Variants in CTTNBP2NL observed in about 807,000 individuals in gnomAD.
CTTNBP2NL encodes CTTNBP2 N-terminal like.
A neutral mutation model predicts 32.5 loss-of-function variants in CTTNBP2NL; 16 were observed. The ratio of observed to expected loss-of-function variants is 0.49; its 90% CI spans 0.33 to 0.75. The LOEUF (loss-of-function observed/expected upper bound fraction) is 0.75, where lower values mean the gene tolerates loss of function less well. Ranked by LOEUF, CTTNBP2NL falls within the 30% of genes least tolerant of loss-of-function variation. CTTNBP2NL has a pLI of 0.02. For synonymous variants in CTTNBP2NL, 298 were observed against 289.4 expected (o/e 1.03, Z -0.30); for missense variants, 645 against 756.0 (o/e 0.85, Z 1.72).
In CTTNBP2NL at chr1:112,457,539, T is replaced by C; in HGVS notation, c.*127T>C. On this transcript the variant is annotated 3_prime_UTR_variant, in exon 6 of 6. Coordinates refer to ENST00000271277, the MANE Select transcript of CTTNBP2NL (RefSeq NM_018704.3). ...GAAACCATCTGTATAATACATTTAG[T>C]ATATTTCACCATTTTGTATTTTTTT... is the stretch of plus-strand genomic sequence containing the variant. 1.2e-6 allele frequency: 1 copy of C among 813,996 alleles called. No individual in the cohort carries two copies. The highest frequency in any genetic ancestry group is 1.9e-6 in the Non-Finnish European group (1 of 531,700). 50.4% of individuals were successfully genotyped at this position (813,996 alleles called of 1,614,324 possible).
chr1:112,404,164 A>G (rs1448939846), intron 1 of CTTNBP2NL, among the ~76,000 whole-genome samples: 12 of 152,340 alleles, frequency 7.9e-5, no homozygotes, highest in East Asian at 5.8e-4. Flanking sequence ...TCCAAAATCC[A>G]TGTGCTTTCC....
intron 5 of CTTNBP2NL, among the ~76,000 whole-genome samples, chr1:112,455,082 G>C (rs1458860781): frequency 6.6e-6 from 1 of 152,122 alleles, no homozygotes; most frequent in African/African-American, 2.4e-5. Context: ...GGCTCAGTTA[G>C]TTTCCCCATC....
intron 2 of CTTNBP2NL, among the ~76,000 whole-genome samples, chr1:112,413,973 G>A (rs573322681): frequency 9.9e-5 from 15 of 152,196 alleles, no homozygotes; most frequent in East Asian, 7.7e-4. Context: ...GCTGGAACCC[G>A]GGAGGCGGAG....
At chr1:112,433,255 G>GGT (rs373355239) in intron 3 of CTTNBP2NL, among the ~76,000 whole-genome samples, 12 of 151,420 alleles carry the variant, frequency 7.9e-5, no homozygotes, top group East Asian at 3.9e-4. Flanking sequence ...TTTGTGTGGG[G>GGT]GTGTGTGTGT....
At chr1:112,405,784 C>T (rs1648644416) in intron 1 of CTTNBP2NL, among the ~76,000 whole-genome samples, 1 of 152,202 alleles carries the variant, frequency 6.6e-6, no homozygotes, top group Non-Finnish European at 1.5e-5. Flanking sequence ...CACACATTCA[C>T]ACTCACAGAG....
At chr1:112,448,612 T>G (rs1650122742) in intron 3 of CTTNBP2NL, among the ~76,000 whole-genome samples, 1 of 152,256 alleles carries the variant, frequency 6.6e-6, no homozygotes, top group East Asian at 1.9e-4. Context: ...TTCAGACAGC[T>G]TGCTAGATGA....
intron 3 of CTTNBP2NL, among the ~76,000 whole-genome samples, chr1:112,445,387 G>GT (rs1331410167): frequency 1.3e-3 from 190 of 151,412 alleles, no homozygotes; most frequent in Middle Eastern, 6.8e-3. Context: ...TCTGTTTTGG[G>GT]GTTTTTTTAT....
chr1:112,459,068 C>G lies in CTTNBP2NL; in HGVS notation c.*1656C>G, dbSNP rs1355916360. 1 of 152,200 alleles carries G rather than the reference C, an allele frequency of 6.6e-6. No homozygotes were observed. The allele number at this position is 152,200 out of a possible 1,614,324, so 9.4% of individuals were successfully genotyped here. A position where few individuals can be genotyped will look rare whatever the true frequency, so the allele number is the denominator to read the frequency against. ...AATCCAAATTTTCATGAGAAACATT[C>G]TCATTTTTAAATATCAAGAAGTGAT... On this transcript the variant is annotated 3_prime_UTR_variant, in exon 6 of 6. Coordinates refer to ENST00000271277, the MANE Select transcript of CTTNBP2NL (RefSeq NM_018704.3).
At chr1:112,452,335 C>CTTTTTTTTTTTTTTTT (rs1157736195) in intron 4 of CTTNBP2NL, among the ~76,000 whole-genome samples, 5 of 65,688 alleles carry the variant, frequency 7.6e-5, no homozygotes, top group African/African-American at 3.1e-4. Context: ...CCAGTCTCTT[C>CTTTTTTTTTTTTTTTT]TTTTTTTTTT....
rs1178545976 is a variant in CTTNBP2NL, at chr1:112,457,488, TTA to T, written c.*78_*79del. ...AGCTCAGTCAGACTTCTGAGTCAGA[TTA>T]TGTTATTTATTTTGATAGTAGCTGA... On this transcript the variant is annotated 3_prime_UTR_variant, in exon 6 of 6. Coordinates refer to ENST00000271277, the MANE Select transcript of CTTNBP2NL (RefSeq NM_018704.3). 2.4e-6 allele frequency: 3 copies of T among 1,242,930 alleles called. No homozygotes were observed. The highest frequency in any genetic ancestry group is 2.2e-5 in the Admixed American group (1 of 44,810). 77.0% of individuals were successfully genotyped at this position (1,242,930 alleles called of 1,614,324 possible).
chr1:112,455,780 A>AT (rs1419416376), intron 5 of CTTNBP2NL, 151 bp from the exon 6 acceptor site: 7 of 607,242 alleles, frequency 1.2e-5, no homozygotes, highest in African/African-American at 7.4e-5. Context: ...TAGTGTGTGC[A>AT]TTTTTTGTGT....
chr1:112,410,744 T>C (rs1316738001), intron 1 of CTTNBP2NL, among the ~76,000 whole-genome samples: 2 of 152,166 alleles, frequency 1.3e-5, no homozygotes, highest in African/African-American at 4.8e-5. Context: ...ATGATGAAAA[T>C]GACAAGTGAC....
chr1:112,432,066 A>ATTTTTTTTTTTTTT (rs11440212), intron 3 of CTTNBP2NL, among the ~76,000 whole-genome samples: 1 of 91,052 alleles, frequency 1.1e-5, no homozygotes, highest in Non-Finnish European at 2.0e-5. Context: ...ATATATTTTG[A>ATTTTTTTTTTTTTT]TTTTTTTTTT....
At chr1:112,436,335 G>A (rs1649729834) in intron 3 of CTTNBP2NL, among the ~76,000 whole-genome samples, 1 of 152,180 alleles carries the variant, frequency 6.6e-6, no homozygotes, top group Non-Finnish European at 1.5e-5. Flanking sequence ...GCCTAGAATA[G>A]AGCCAGTTTT....
At chr1:112,393,405 G>T (rs950916990), upstream of CTTNBP2NL, among the ~76,000 whole-genome samples, 11 of 152,100 alleles carry the variant, frequency 7.2e-5, no homozygotes, top group South Asian at 2.1e-4. Context: ...ACTTTAAGTT[G>T]TTGCCTGACA....
At chr1:112,439,208 G>A (rs1000117710) in intron 3 of CTTNBP2NL, among the ~76,000 whole-genome samples, 1 of 106,326 alleles carries the variant, frequency 9.4e-6, no homozygotes, top group Non-Finnish European at 2.5e-5. Context: ...CACCATGGTA[G>A]GGGTCTTAAA....
At chr1:112,413,383 A>C (rs1648944642) in intron 2 of CTTNBP2NL, among the ~76,000 whole-genome samples, 1 of 152,214 alleles carries the variant, frequency 6.6e-6, no homozygotes, top group Non-Finnish European at 1.5e-5. Context: ...CTTTTGAAAA[A>C]TGAGACAGGA....
At chr1:112,400,311 C>T (rs1648459969) in intron 1 of CTTNBP2NL, among the ~76,000 whole-genome samples, 1 of 152,188 alleles carries the variant, frequency 6.6e-6, no homozygotes, top group Admixed American at 6.5e-5. Flanking sequence ...TTCACCGTAG[C>T]TCAGTCTGTT....
intron 3 of CTTNBP2NL, among the ~76,000 whole-genome samples, chr1:112,441,054 G>A (rs1273211695): frequency 6.6e-6 from 1 of 151,998 alleles, no homozygotes; most frequent in Non-Finnish European, 1.5e-5. Flanking sequence ...TTTAACTGGA[G>A]GTATAATTTG....
Sources: gnomAD v4.1 joint callset for allele counts (sites outside exome capture counted in the v4.1 genomes callset) on GRCh38, gnomAD v4.1.1 for gene constraint, MANE v1.5 for transcripts, NCBI Gene and HGNC (gene_info 2026-07-23, HGNC 2026-07-21) for gene names.